The following DNM2 variants were observed in gnomAD, a reference collection of about 807,000 sequenced individuals.
The protein encoded by DNM2 is dynamin 2.
A neutral mutation model predicts 99.0 loss-of-function variants in DNM2; 15 were observed. The ratio of observed to expected loss-of-function variants is 0.15; its 90% CI spans 0.10 to 0.23. The LOEUF is 0.23. DNM2 is among the 10% of genes least tolerant of loss of function. The pLI, the probability that DNM2 is intolerant of heterozygous loss-of-function variation, is 1.00. For synonymous variants in DNM2, 525 were observed against 481.2 expected (o/e 1.09, Z -1.19); for missense variants, 742 against 1,189.4 (o/e 0.62, Z 5.53).
At chr19:10,771,386 C>T (rs778926302) in intron 2 of DNM2, among the ~76,000 whole-genome samples, 7 of 152,028 alleles carry the variant, frequency 4.6e-5, no homozygotes, top group Non-Finnish European at 8.8e-5. Flanking sequence ...TTTCAGATAC[C>T]CCCGGGTCTT....
chr19:10,771,734 T>C lies in DNM2; in HGVS notation c.236-745T>C, dbSNP rs76820043. On this transcript the variant is annotated intron_variant, in intron 2 of 20. Coordinates refer to ENST00000389253, the MANE Select transcript of DNM2 (RefSeq NM_001005361.3). Reference sequence around the variant, plus strand: ...ATGGACTCACCCTCTCTGGGTGATGTATCCTGGTGCTTCCTCTTCTGTTCA... The same window carrying C: ...ATGGACTCACCCTCTCTGGGTGATGCATCCTGGTGCTTCCTCTTCTGTTCA... Among the ~76,000 whole-genome samples the C allele has an allele frequency of 0.033, 5,025 of 152,304 alleles. 409 individuals are homozygous for C. In the East Asian group the frequency reaches 0.35, roughly 11 times the overall value.
Position 10,777,236 on chromosome 19 carries a change from G to C in DNM2, c.688+20G>C. 6.2e-7 allele frequency: 1 copy of C among 1,612,736 alleles called. No homozygotes were observed. The highest frequency in any genetic ancestry group is 8.5e-7 in the Non-Finnish European group (1 of 1,179,022). ...GAAGAGGTGTGGCTTTGGGGGTGCT[G>C]GGGAAGCAGGAGGATGGGTGGGGTC... On this transcript the variant is annotated intron_variant, in intron 5 of 20. Transcript: ENST00000389253.
intron 13 of DNM2, 80 bp from the exon 14 acceptor site, chr19:10,808,489 C>T (rs1158756177): frequency 5.4e-6 from 8 of 1,491,750 alleles, no homozygotes; most frequent in Non-Finnish European, 7.3e-6. Flanking sequence ...TTTCTTTGTC[C>T]CCTTCACGTC....
Position 10,795,430 on chromosome 19 carries a change from A to G in DNM2, c.1187A>G (p.His396Arg). 1 of 1,614,036 alleles carries G rather than the reference A, an allele frequency of 6.2e-7. No homozygotes were observed. The highest frequency in any genetic ancestry group is 8.5e-7 in the Non-Finnish European group (1 of 1,179,996). The change falls in exon 9 of 21, where the codon CAT (histidine) becomes CGT (arginine). Residue 396 changes from histidine (H) to arginine (R), a missense_variant. Around this residue, in one of 7 missense-constraint regions of DNM2, gnomAD observed 240 missense variants for 431.3 expected, o/e 0.56. Coordinates refer to ENST00000389253, the MANE Select transcript of DNM2 (RefSeq NM_001005361.3). This position sits in a 1 kb window ranked among gnomAD's most constrained non-coding sequence, Gnocchi z 4.2. ...REISYAIKNI[H>R]GVRTGLFTPD... ...ATCAGCTATGCCATTAAGAACATCC[A>G]TGGAGTCAGGCAAGTTCCACGAGGA...
At chr19:10,794,509 A>G (rs1010668744) in intron 8 of DNM2, among the ~76,000 whole-genome samples, 6 of 152,218 alleles carry the variant, frequency 3.9e-5, no homozygotes, top group Non-Finnish European at 8.8e-5. Context: ...TGGGAGGCCA[A>G]GGGGGCCTGA....
chr19:10,775,567 T>C lies in DNM2; in HGVS notation c.386-136T>C. ...GGAGTTACTGGATCAAAGGTGTGGT[T>C]CAGGCAGAGTGTCAGGCGACATCCT... is the stretch of plus-strand genomic sequence containing the variant. On this transcript the variant is annotated intron_variant, in intron 3 of 20. Coordinates refer to ENST00000389253, the MANE Select transcript of DNM2 (RefSeq NM_001005361.3). The surrounding 1 kb of genome is among the most constrained non-coding windows in gnomAD (Gnocchi z 4.3). 1 of 938,076 alleles carries C rather than the reference T, an allele frequency of 1.1e-6. No homozygotes were observed. Among genetic ancestry groups the C allele is most frequent in the South Asian group, 1.3e-5 (1 of 76,920 alleles). 58.1% of individuals were successfully genotyped at this position (938,076 alleles called of 1,614,324 possible).
Position 10,777,151 on chromosome 19 carries a change from A to G in DNM2, c.623A>G (p.Asp208Gly). The G allele has an allele frequency of 6.2e-7, 1 of 1,614,122 alleles. No individual in the cohort carries two copies. Among genetic ancestry groups the G allele is most frequent in the Non-Finnish European group, 8.5e-7 (1 of 1,180,012 alleles). Reference sequence around the variant, plus strand: ...ACCATCGGTGTCATCACCAAGCTTGACCTGATGGACGAGGGCACCGACGCC... The same window carrying G: ...ACCATCGGTGTCATCACCAAGCTTGGCCTGATGGACGAGGGCACCGACGCC... Reference protein sequence around the residue: ...LRTIGVITKLDLMDEGTDARD... With the variant: ...LRTIGVITKLGLMDEGTDARD... Residue 208 changes from aspartate to glycine, a missense_variant, in exon 5 of 21, where the codon GAC (aspartate) becomes GGC (glycine). Asp to Gly is a moderately conservative substitution (Grantham distance 94, BLOSUM62 -1). Transcript: ENST00000389253.
intron 1 of DNM2, among the ~76,000 whole-genome samples, chr19:10,748,770 A>T (rs2070087723): frequency 6.6e-6 from 1 of 152,194 alleles, no homozygotes; most frequent in South Asian, 2.1e-4. Flanking sequence ...TGGCCCTGGC[A>T]TCCTTGTGAC....
chr19:10,736,276 A>G (rs935419351), intron 1 of DNM2, among the ~76,000 whole-genome samples: 1 of 151,698 alleles, frequency 6.6e-6, no homozygotes, highest in Non-Finnish European at 1.5e-5. Flanking sequence ...AAAAAAAAAA[A>G]AAAGAAAAAA....
In DNM2 at chr19:10,820,029, A is replaced by T; in HGVS notation, c.1721A>T (p.Asp574Val). ...CCTCTGGACAACCTCAAGATCCGTG[A>T]TGTGGAGAAGGGCTTCATGTCCAAC... ...MLPLDNLKIRDVEKGFMSNKH... is the reference protein window; with the variant it reads ...MLPLDNLKIRVVEKGFMSNKH... Residue 574 changes from aspartate to valine, a missense_variant, in exon 16 of 21, where the codon GAT becomes GTT. Around this residue, in one of 7 missense-constraint regions of DNM2, gnomAD observed 240 missense variants for 431.3 expected, o/e 0.56. Coordinates refer to ENST00000389253, the MANE Select transcript of DNM2 (RefSeq NM_001005361.3). The surrounding 1 kb of genome is among the most constrained non-coding windows in gnomAD (Gnocchi z 4.3). The T allele has an allele frequency of 6.2e-7, 1 of 1,614,158 alleles. No individual in the cohort carries two copies. Among genetic ancestry groups the T allele is most frequent in the Non-Finnish European group, 8.5e-7 (1 of 1,180,024 alleles).
chr19:10,779,129 C>T (rs907645826), intron 5 of DNM2, among the ~76,000 whole-genome samples: 6 of 151,292 alleles, frequency 4.0e-5, no homozygotes, highest in African/African-American at 1.2e-4. Context: ...GCAGGAGAAT[C>T]GCTTGAACCC....
chr19:10,719,229 G>C (rs555653888), intron 1 of DNM2, among the ~76,000 whole-genome samples: 1 of 152,272 alleles, frequency 6.6e-6, no homozygotes, highest in Non-Finnish European at 1.5e-5. Flanking sequence ...CTGGAAAGGG[G>C]TGGTAGGAGG....
rs755204366 is a variant in DNM2 at position 10,775,931 on chromosome 19, C to G, written c.589+25C>G. On this transcript the variant is annotated intron_variant, in intron 4 of 20. Transcript: ENST00000389253. This position sits in a 1 kb window ranked among gnomAD's most constrained non-coding sequence, Gnocchi z 4.3. Reference sequence around the variant, plus strand: ...GGTAACCCTGAGCCTAGGGCAGTCCCCTCTTCCAGGTGCCTCTGAGCATGG... The same window carrying G: ...GGTAACCCTGAGCCTAGGGCAGTCCGCTCTTCCAGGTGCCTCTGAGCATGG... 4 of 1,606,028 alleles carry G rather than the reference C, an allele frequency of 2.5e-6. No homozygotes were observed. In the South Asian group the frequency reaches 4.4e-5, roughly 18 times the overall value.
At chr19:10,815,757 C>G (rs889648339) in intron 15 of DNM2, among the ~76,000 whole-genome samples, 7 of 152,158 alleles carry the variant, frequency 4.6e-5, no homozygotes, top group African/African-American at 1.7e-4. Context: ...AGCCGCCCTG[C>G]CTGGCTCTCT....
chr19:10,750,805 C>T (rs745447902), intron 1 of DNM2, among the ~76,000 whole-genome samples: 6 of 151,576 alleles, frequency 4.0e-5, no homozygotes, highest in Admixed American at 6.6e-5. Flanking sequence ...TGGTGCTGGG[C>T]GCCTGTAATC....
chr19:10,743,804 T>A, intron 1 of DNM2, among the ~76,000 whole-genome samples: 1 of 82,238 alleles, frequency 1.2e-5, no homozygotes, highest in Non-Finnish European at 2.2e-5. Flanking sequence ...AGCGAGACTC[T>A]GTCTCAAAAA....
At chr19:10,727,366 C>T (rs1366907381) in intron 1 of DNM2, among the ~76,000 whole-genome samples, 1 of 151,594 alleles carries the variant, frequency 6.6e-6, no homozygotes, top group Admixed American at 6.6e-5. Flanking sequence ...TTTTCTTTTT[C>T]TTTTTTTGTT....
chr19:10,732,090 GA>G (rs2069343572), intron 1 of DNM2, among the ~76,000 whole-genome samples: 1 of 151,316 alleles, frequency 6.6e-6, no homozygotes, highest in Non-Finnish European at 1.5e-5. Context: ...GAGTAGCTGT[GA>G]TTACAGGCGT....
rs199976453 is a variant in DNM2, at chr19:10,783,060, G to A, written c.789G>A (p.Pro263=). The A allele has an allele frequency of 1.3e-4, 206 of 1,613,846 alleles. No homozygotes were observed. The East Asian group carries it at 4.3e-3, about 34-fold the overall frequency. ...AGAGGAAGTTCTTCCTCTCCCACCC[G>A]GCCTACCGGCACATGGCCGACCGCA... The part of the protein sequence containing the change: ...AAERKFFLSH[P]AYRHMADRMG... The change falls in exon 6 of 21, where the codon CCG becomes CCA. Residue 263 remains proline (P), a synonymous_variant. Transcript: ENST00000389253.
Sources: allele counts gnomAD v4.1 joint callset (sites outside exome capture counted in the v4.1 genomes callset), GRCh38; gene constraint gnomAD v4.1.1; regional missense constraint gnomAD v4.1.1; non-coding constraint Gnocchi (gnomAD v3.1); transcripts MANE v1.5; gene names NCBI Gene and HGNC (gene_info 2026-07-23, HGNC 2026-07-21).